The following SPIDR variants were observed in gnomAD, a reference collection of about 807,000 sequenced individuals.
SPIDR encodes DNA repair-scaffolding protein.
A neutral mutation model predicts 104.6 loss-of-function variants in SPIDR; 93 were observed. The observed-to-expected ratio is 0.89, with a 90% CI of 0.75 to 1.06. The LOEUF (loss-of-function observed/expected upper bound fraction) is 1.06. Among genes scored for constraint, SPIDR ranks in the 50% least tolerant of loss-of-function variants. The probability of loss-of-function intolerance (pLI) is 0.00; values close to 1 mark genes in which losing one functional copy is unlikely to be tolerated. For synonymous variants in SPIDR, 431 were observed against 416.9 expected, an observed-to-expected ratio of 1.03 and a Z score of -0.41; for missense variants, 1,154 against 1,111.2, an observed-to-expected ratio of 1.04 and a Z score of -0.55.
chr8:47,449,527 C>A (rs1432267289), intron 8 of SPIDR, among the ~76,000 whole-genome samples: 1 of 152,302 alleles, frequency 6.6e-6, no homozygotes, highest in East Asian at 1.9e-4. Flanking sequence ...AAATAAATTG[C>A]TGGCTCCTAT....
chr8:47,632,554 T>C (rs936235524), intron 10 of SPIDR, among the ~76,000 whole-genome samples: 2 of 152,220 alleles, frequency 1.3e-5, no homozygotes, highest in African/African-American at 4.8e-5. Context: ...ATAATATTTA[T>C]TTTAAATTGA....
chr8:47,466,942 TAGATAG>T (rs2074952467), intron 8 of SPIDR, among the ~76,000 whole-genome samples: 3 of 140,770 alleles, frequency 2.1e-5, no homozygotes, highest in African/African-American at 8.0e-5. Context: ...GATAGATAGA[TAGATAG>T]ATATAAAAAA....
Position 47,311,167 on chromosome 8 carries a change from A to G in SPIDR, c.525+17137A>G, listed in dbSNP as rs79936436. On this transcript the variant is annotated intron_variant, in intron 5 of 19. Transcript: ENST00000297423. ...GAAAATTCTATAGGTAAAAAATACA[A>G]TATTTCAAATGAAAACTGATTAGAG... 4.2e-3 allele frequency among the ~76,000 whole-genome samples: 641 copies of G among 152,332 alleles called. 7 individuals are homozygous for G. The highest frequency in any genetic ancestry group is 0.013 in the African/African-American group (539 of 41,596).
At chr8:47,422,654 C>T (rs550618561) in intron 7 of SPIDR, among the ~76,000 whole-genome samples, 85 of 152,326 alleles carry the variant, frequency 5.6e-4, no homozygotes, top group South Asian at 1.2e-3. Context: ...GAGGTGAACC[C>T]GGTACCTCAG....
At chr8:47,679,996 G>C (rs1236054445) in intron 11 of SPIDR, among the ~76,000 whole-genome samples, 1 of 152,124 alleles carries the variant, frequency 6.6e-6, no homozygotes, top group African/African-American at 2.4e-5. Flanking sequence ...ATAATTATTG[G>C]AGCTCAATTT....
intron 8 of SPIDR, among the ~76,000 whole-genome samples, chr8:47,581,801 TTTTC>T (rs2059725732): frequency 6.6e-6 from 1 of 152,220 alleles, no homozygotes; most frequent in South Asian, 2.1e-4. Context: ...TTTGCCTTTG[TTTTC>T]TTTCTGTCAC....
At chr8:47,678,571 G>A (rs2076718389) in intron 11 of SPIDR, among the ~76,000 whole-genome samples, 1 of 152,268 alleles carries the variant, frequency 6.6e-6, no homozygotes, top group Admixed American at 6.5e-5. Context: ...CCCACACAGA[G>A]AGCGGAGGCT....
intron 8 of SPIDR, among the ~76,000 whole-genome samples, chr8:47,464,984 G>A (rs1332992195): frequency 6.6e-6 from 1 of 152,042 alleles, no homozygotes; most frequent in Admixed American, 6.5e-5. Context: ...GGCTGGTCTT[G>A]AACTCCTGAC....
chr8:47,701,578 A>G, intron 12 of SPIDR, 143 bp from the exon 13 acceptor site: 2 of 751,208 alleles, frequency 2.7e-6, no homozygotes, highest in Non-Finnish European at 4.3e-6. Flanking sequence ...AAACAATGCA[A>G]TCCATTCCTT....
chr8:47,546,986 AG>A, intron 8 of SPIDR: 1 of 510,232 alleles, frequency 2.0e-6, no homozygotes, highest in Non-Finnish European at 3.9e-6. Context: ...CAAAAGATCA[AG>A]GGTGCCTCTC....
chr8:47,485,796 GT>G (rs1286861871), intron 8 of SPIDR, among the ~76,000 whole-genome samples: 2 of 152,198 alleles, frequency 1.3e-5, no homozygotes, highest in Non-Finnish European at 2.9e-5. Context: ...AGAGGGTCCT[GT>G]TACAAGGAAA....
chr8:47,426,589 T>C (rs893452277), intron 7 of SPIDR, among the ~76,000 whole-genome samples: 1 of 152,232 alleles, frequency 6.6e-6, no homozygotes, highest in African/African-American at 2.4e-5. Flanking sequence ...TATTTTACAC[T>C]TGAAGATGTT....
chr8:47,380,538 T>C (rs1554644874), intron 5 of SPIDR, among the ~76,000 whole-genome samples: 1 of 151,988 alleles, frequency 6.6e-6, no homozygotes, highest in Non-Finnish European at 1.5e-5. Flanking sequence ...TTCTTGAGCC[T>C]CGTGATTCCC....
intron 5 of SPIDR, among the ~76,000 whole-genome samples, chr8:47,368,343 C>CAAAAAAAAA (rs34106189): frequency 2.0e-5 from 1 of 49,420 alleles, no homozygotes; most frequent in Admixed American, 3.6e-4. Flanking sequence ...GTTGAGAAGT[C>CAAAAAAAAA]AAAAAAAAAA....
At chr8:47,530,987 T>C (rs1227601100) in intron 8 of SPIDR, among the ~76,000 whole-genome samples, 4 of 152,094 alleles carry the variant, frequency 2.6e-5, no homozygotes, top group Non-Finnish European at 4.4e-5. Flanking sequence ...CATGGCTTAC[T>C]GCAGCCTCAA....
intron 11 of SPIDR, among the ~76,000 whole-genome samples, chr8:47,683,848 C>T (rs1353884396): frequency 6.6e-6 from 1 of 151,942 alleles, no homozygotes; most frequent in Non-Finnish European, 1.5e-5. Flanking sequence ...CCAATTTGGC[C>T]GGGCATGGTG....
rs199930501 is a variant in SPIDR at position 47,673,930 on chromosome 8, C to T, written c.1674C>T (p.Val558=). Residue 558 remains valine, a synonymous_variant, in exon 11 of 20, where the codon GTC becomes GTT. Coordinates refer to ENST00000297423, the MANE Select transcript of SPIDR (RefSeq NM_001080394.4). ...TGGGAATGAAGGTTCTACAGAAAGTCACCAGAGGAAGGTGAGAACGTGCAG... is the reference window on the plus strand; with the variant it reads ...TGGGAATGAAGGTTCTACAGAAAGTTACCAGAGGAAGGTGAGAACGTGCAG... The part of the protein sequence containing the change: ...SLVGMKVLQK[V]TRGRTAGIFS... The T allele has an allele frequency of 1.9e-6, 3 of 1,614,024 alleles. No individual in the cohort carries two copies. The highest frequency in any genetic ancestry group is 2.2e-5 in the East Asian group (1 of 44,860).
chr8:47,376,137 C>T (rs368437022), intron 5 of SPIDR, among the ~76,000 whole-genome samples: 18 of 152,280 alleles, frequency 1.2e-4, no homozygotes, highest in African/African-American at 4.3e-4. Context: ...TAAATTAAAC[C>T]TTTTTGTTGT....
At chr8:47,344,010 GCA>G (rs2051328285) in intron 5 of SPIDR, among the ~76,000 whole-genome samples, 1 of 151,136 alleles carries the variant, frequency 6.6e-6, no homozygotes, top group Non-Finnish European at 1.5e-5. Flanking sequence ...GGGTACATGT[GCA>G]CAACGTGAAG....
Sources: gnomAD v4.1 joint callset for allele counts (sites outside exome capture counted in the v4.1 genomes callset) on GRCh38, gnomAD v4.1.1 for gene constraint, MANE v1.5 for transcripts, NCBI Gene and HGNC (gene_info 2026-07-23, HGNC 2026-07-21) for gene names.